FAM13A: variants seen among roughly 807,000 people sequenced by gnomAD.
FAM13A encodes protein FAM13A.
In FAM13A, 76 loss-of-function variants were observed where a neutral mutation model predicts 129.6. That is an observed-to-expected ratio of 0.59 (90% CI 0.49 to 0.71). FAM13A has a LOEUF of 0.71. FAM13A is among the 30% of genes least tolerant of loss of function. The pLI is 0.00. For missense variants in FAM13A, 1,108 were observed against 1,249.3 expected, an observed-to-expected ratio of 0.89 and a Z score of 1.70; for synonymous variants, 443 against 449.9, an observed-to-expected ratio of 0.98 and a Z score of 0.20.
intron 4 of FAM13A, among the ~76,000 whole-genome samples, chr4:88,965,801 G>T (rs1355011373): frequency 6.6e-6 from 1 of 152,132 alleles, no homozygotes; most frequent in South Asian, 2.1e-4. Flanking sequence ...CATATAAGTG[G>T]AGTCATACAG....
At chr4:88,814,927 C>T (rs1436454643) in intron 7 of FAM13A, among the ~76,000 whole-genome samples, 1 of 151,970 alleles carries the variant, frequency 6.6e-6, no homozygotes, top group Non-Finnish European at 1.5e-5. Context: ...TCACTGCAGC[C>T]TCAAACTCCT....
chr4:88,821,966 T>A (rs899439590), intron 7 of FAM13A, among the ~76,000 whole-genome samples: 69 of 152,344 alleles, frequency 4.5e-4, no homozygotes, highest in African/African-American at 1.6e-3. Context: ...TATTTTTCAT[T>A]GCTAAAACAA....
At chr4:88,927,397 G>A (rs1245500836) in intron 5 of FAM13A, among the ~76,000 whole-genome samples, 4 of 150,930 alleles carry the variant, frequency 2.7e-5, no homozygotes, top group Non-Finnish European at 5.9e-5. Context: ...TCAATGAACA[G>A]GGATAATTTG....
chr4:88,861,305 C>T (rs908939550), intron 6 of FAM13A, among the ~76,000 whole-genome samples: 6 of 147,890 alleles, frequency 4.1e-5, no homozygotes, highest in East Asian at 2.1e-4. Flanking sequence ...CGCTTGAATC[C>T]GGGAGGCAAA....
At chr4:88,861,651 C>T (rs1739515151) in intron 6 of FAM13A, among the ~76,000 whole-genome samples, 1 of 152,096 alleles carries the variant, frequency 6.6e-6, no homozygotes, top group African/African-American at 2.4e-5. Context: ...TAGGCCCTGA[C>T]ATCATTAATG....
At chr4:88,962,389 T>C (rs771070501) in intron 4 of FAM13A, among the ~76,000 whole-genome samples, 1 of 152,170 alleles carries the variant, frequency 6.6e-6, no homozygotes, top group Non-Finnish European at 1.5e-5. Flanking sequence ...AGTCAACCAA[T>C]TCAAGGTCTG....
At chr4:88,974,933 A>G (rs1175415835) in intron 4 of FAM13A, among the ~76,000 whole-genome samples, 1 of 152,208 alleles carries the variant, frequency 6.6e-6, no homozygotes, top group East Asian at 1.9e-4. Context: ...CACAACTGTA[A>G]TTCAGTAATT....
At chr4:89,037,880 T>C (rs1454140301) in intron 1 of FAM13A, among the ~76,000 whole-genome samples, 3 of 152,174 alleles carry the variant, frequency 2.0e-5, no homozygotes, top group African/African-American at 7.2e-5. Flanking sequence ...ACCACTATGG[T>C]TGTAAGTTTC....
At chr4:88,805,123 T>C (rs1484756304) in intron 7 of FAM13A, 71 bp from the exon 8 acceptor site, 3 of 835,418 alleles carry the variant, frequency 3.6e-6, no homozygotes, top group African/African-American at 3.4e-5. Context: ...CTAAAAATGT[T>C]CTACCTGTAA....
At chr4:88,799,095 T>A (rs1196788570) in intron 8 of FAM13A, among the ~76,000 whole-genome samples, 1 of 152,080 alleles carries the variant, frequency 6.6e-6, no homozygotes, top group Non-Finnish European at 1.5e-5. Flanking sequence ...ACGCAAAAAA[T>A]AAATAAATAA....
chr4:88,790,845 A>C (rs1303439126), intron 8 of FAM13A, among the ~76,000 whole-genome samples: 3 of 152,128 alleles, frequency 2.0e-5, no homozygotes, highest in Admixed American at 6.6e-5. Flanking sequence ...CTCCTTTTAA[A>C]AGTTGTCCAA....
intron 4 of FAM13A, 33 bp downstream of exon 4, chr4:88,990,937 CATG>C: frequency 2.0e-6 from 3 of 1,501,838 alleles, no homozygotes; most frequent in Non-Finnish European, 2.8e-6. Context: ...CAAAGGGGGA[CATG>C]ATGATATTAA....
Position 88,758,812 on chromosome 4 carries a change from A to G in FAM13A, c.1668T>C (p.Phe556=), listed in dbSNP as rs1370141768. The change falls in exon 14 of 24, where the codon TTT becomes TTC. Residue 556 remains phenylalanine, a synonymous_variant. Coordinates refer to ENST00000264344, the MANE Select transcript of FAM13A (RefSeq NM_014883.4). The part of the protein sequence containing the change: ...NQDAGDQEES[F]VSEVPQSDLT... ...GGTCCGACTGGGGCACTTCGGAGAC[A>G]AAGCTCTCCTCCTGGTCACCGGCAT... 6.2e-7 allele frequency: 1 copy of G among 1,614,062 alleles called. No homozygotes were observed. The highest frequency in any genetic ancestry group is 8.5e-7 in the Non-Finnish European group (1 of 1,179,924).
intron 8 of FAM13A, among the ~76,000 whole-genome samples, chr4:88,802,992 T>C (rs921514543): frequency 2.0e-5 from 3 of 152,210 alleles, no homozygotes; most frequent in African/African-American, 7.2e-5. Context: ...CACTGAGTTT[T>C]GCTGTTCCAC....
chr4:88,899,072 C>A (rs573148156), intron 6 of FAM13A, among the ~76,000 whole-genome samples: 25 of 151,202 alleles, frequency 1.7e-4, no homozygotes, highest in African/African-American at 6.1e-4. Flanking sequence ...GTGTGTGTGT[C>A]TGTGTGTATG....
At chr4:88,926,525 G>A (rs1752196256) in intron 5 of FAM13A, among the ~76,000 whole-genome samples, 1 of 152,170 alleles carries the variant, frequency 6.6e-6, no homozygotes, top group Non-Finnish European at 1.5e-5. Context: ...ATAAGCAAAA[G>A]CAATTTAGTC....
intron 10 of FAM13A, among the ~76,000 whole-genome samples, chr4:88,781,897 G>T (rs537015660): frequency 2.0e-5 from 3 of 151,102 alleles, no homozygotes; most frequent in East Asian, 3.9e-4. Flanking sequence ...GCTAAATGAC[G>T]AGTTAATGGG....
At chr4:88,998,568 T>A (rs1467880119) in intron 3 of FAM13A, among the ~76,000 whole-genome samples, 1 of 152,164 alleles carries the variant, frequency 6.6e-6, no homozygotes, top group Non-Finnish European at 1.5e-5. Context: ...TTAATTAATT[T>A]GTGAGAAACT....
intron 19 of FAM13A, among the ~76,000 whole-genome samples, chr4:88,740,805 C>T (rs1740082210): frequency 6.6e-6 from 1 of 152,146 alleles, no homozygotes; most frequent in Non-Finnish European, 1.5e-5. Flanking sequence ...AGAATAACAG[C>T]CTTATGTTAC....
Sources: gnomAD v4.1 joint callset for allele counts (sites outside exome capture counted in the v4.1 genomes callset) on GRCh38, gnomAD v4.1.1 for gene constraint, MANE v1.5 for transcripts, NCBI Gene and HGNC (gene_info 2026-07-23, HGNC 2026-07-21) for gene names.